NBEA: variants seen among roughly 807,000 people sequenced by gnomAD.
The protein encoded by NBEA is lysosomal-trafficking regulator 2.
A neutral mutation model predicts 343.4 loss-of-function variants in NBEA; 44 were observed. That is an observed-to-expected ratio of 0.13 (90% CI 0.10 to 0.16). The LOEUF (loss-of-function observed/expected upper bound fraction) is 0.16. Among genes scored for constraint, NBEA ranks in the 10% least tolerant of loss-of-function variants. The probability of loss-of-function intolerance (pLI) is 1.00; values close to 1 mark genes in which losing one functional copy is unlikely to be tolerated. For missense variants in NBEA, 2,555 were observed against 3,631.3 expected (o/e 0.70, Z 7.62); for synonymous variants, 1,175 against 1,238.7 (o/e 0.95, Z 1.08).
At chr13:35,126,439 G>A (rs1222857130) in intron 17 of NBEA, among the ~76,000 whole-genome samples, 2 of 152,018 alleles carry the variant, frequency 1.3e-5, no homozygotes, top group East Asian at 3.9e-4. Context: ...GACAAATACT[G>A]GAAGAAAATA....
intron 33 of NBEA, among the ~76,000 whole-genome samples, chr13:35,216,267 AGT>A (rs1487028885): frequency 6.6e-6 from 1 of 151,608 alleles, no homozygotes; most frequent in East Asian, 1.9e-4. Flanking sequence ...ACTGAGATTG[AGT>A]GTCTATAAAC....
At chr13:35,300,166 T>G (rs1218449541) in intron 35 of NBEA, among the ~76,000 whole-genome samples, 1 of 152,122 alleles carries the variant, frequency 6.6e-6, no homozygotes, top group Non-Finnish European at 1.5e-5. Flanking sequence ...TAAGAAGTAC[T>G]TTTTGAAATT....
At chr13:35,163,081 T>C (rs1182796747) in intron 23 of NBEA, among the ~76,000 whole-genome samples, 1 of 152,176 alleles carries the variant, frequency 6.6e-6, no homozygotes, top group East Asian at 1.9e-4. Flanking sequence ...AATTATAATA[T>C]CAGTAGCCTC....
At chr13:35,237,074 ATAGT>A (rs2152774768) in intron 34 of NBEA, among the ~76,000 whole-genome samples, 1 of 152,140 alleles carries the variant, frequency 6.6e-6, no homozygotes, top group Non-Finnish European at 1.5e-5. Context: ...CCTGGGAAAC[ATAGT>A]TAGACCCTGT....
intron 1 of NBEA, among the ~76,000 whole-genome samples, chr13:35,035,515 C>A (rs2062406223): frequency 6.6e-6 from 1 of 151,956 alleles, no homozygotes; most frequent in African/African-American, 2.4e-5. Context: ...CTGTAAATAT[C>A]TATTAGCTCA....
intron 17 of NBEA, among the ~76,000 whole-genome samples, chr13:35,131,895 G>T (rs1480056358): frequency 6.6e-6 from 1 of 152,128 alleles, no homozygotes; most frequent in African/African-American, 2.4e-5. Context: ...GTATTTGGAA[G>T]TAAAGAACGT....
At chr13:35,369,679 T>A (rs2041320195) in intron 38 of NBEA, among the ~76,000 whole-genome samples, 1 of 151,990 alleles carries the variant, frequency 6.6e-6, no homozygotes, top group South Asian at 2.1e-4. Flanking sequence ...ATATAAACAC[T>A]ACTGATTTTT....
At chr13:35,154,357 G>A (rs777376019) in intron 18 of NBEA, among the ~76,000 whole-genome samples, 3 of 152,104 alleles carry the variant, frequency 2.0e-5, no homozygotes, top group Non-Finnish European at 2.9e-5. Flanking sequence ...TTCAACTAAC[G>A]TTGGTGGTTT....
intron 36 of NBEA, among the ~76,000 whole-genome samples, chr13:35,323,238 C>T (rs892425630): frequency 3.3e-5 from 5 of 152,134 alleles, no homozygotes; most frequent in African/African-American, 1.2e-4. Flanking sequence ...GACTATAAAT[C>T]ATGCTGCTAT....
chr13:35,659,113 TA>T (rs1222246308), intron 55 of NBEA, among the ~76,000 whole-genome samples: 2 of 152,342 alleles, frequency 1.3e-5, no homozygotes, highest in East Asian at 3.9e-4. Flanking sequence ...GAAAGCTAGT[TA>T]TGTCTAAATT....
intron 45 of NBEA, among the ~76,000 whole-genome samples, chr13:35,583,598 G>A (rs544858121): frequency 5.9e-5 from 9 of 152,216 alleles, no homozygotes; most frequent in Admixed American, 3.3e-4. Context: ...GGAAAATAAC[G>A]AAACTGTTGG....
intron 6 of NBEA, among the ~76,000 whole-genome samples, chr13:35,053,292 C>A (rs1321452700): frequency 6.6e-6 from 1 of 152,000 alleles, no homozygotes; most frequent in Non-Finnish European, 1.5e-5. Flanking sequence ...TTGTGTTTTT[C>A]CTGCTAAACC....
intron 41 of NBEA, among the ~76,000 whole-genome samples, chr13:35,504,328 C>T (rs1484503077): frequency 6.6e-6 from 1 of 152,160 alleles, no homozygotes; most frequent in Admixed American, 6.6e-5. Flanking sequence ...TGGCTTTCTT[C>T]CTATGTAATA....
At chr13:35,269,996 C>A (rs2034001203) in intron 34 of NBEA, among the ~76,000 whole-genome samples, 1 of 152,112 alleles carries the variant, frequency 6.6e-6, no homozygotes, top group African/African-American at 2.4e-5. Context: ...ATTCAATTTA[C>A]CATTCAGGAT....
intron 1 of NBEA, among the ~76,000 whole-genome samples, chr13:34,995,376 G>T (rs2152519992): frequency 6.6e-6 from 1 of 150,832 alleles, no homozygotes; most frequent in South Asian, 2.1e-4. Context: ...AGCTGAGATT[G>T]TGCCACTGCA....
intron 34 of NBEA, among the ~76,000 whole-genome samples, chr13:35,272,872 CAA>C (rs2034276436): frequency 6.6e-6 from 1 of 152,208 alleles, no homozygotes; most frequent in East Asian, 1.9e-4. Context: ...TAGAGACCTG[CAA>C]AGAGACTTAG....
chr13:35,476,837 G>A, intron 41 of NBEA: 3 of 1,007,794 alleles, frequency 3.0e-6, no homozygotes, highest in Non-Finnish European at 3.6e-6. Flanking sequence ...ACAAACTAAA[G>A]GTAGGAGGCT....
At chr13:35,584,635 G>T (rs2081208663) in intron 46 of NBEA, among the ~76,000 whole-genome samples, 1 of 151,788 alleles carries the variant, frequency 6.6e-6, no homozygotes, top group Non-Finnish European at 1.5e-5. Flanking sequence ...GAGTAGTTGG[G>T]ATTACAGATG....
intron 35 of NBEA, among the ~76,000 whole-genome samples, chr13:35,299,472 T>C (rs1594123733): frequency 6.6e-6 from 1 of 152,180 alleles, no homozygotes; most frequent in Admixed American, 6.5e-5. Flanking sequence ...TTTATCGTCA[T>C]CCTTCTGGAA....
Sources: allele counts gnomAD v4.1 joint callset (sites outside exome capture counted in the v4.1 genomes callset), GRCh38; gene constraint gnomAD v4.1.1; transcripts MANE v1.5; gene names NCBI Gene and HGNC (gene_info 2026-07-23, HGNC 2026-07-21).